The following WDR11 variants were observed in gnomAD, a reference collection of about 807,000 sequenced individuals.
WDR11 encodes the protein WD repeat domain 11, also known as WD repeat-containing protein 11.
In WDR11, 83 loss-of-function variants were observed where a neutral mutation model predicts 151.2. The ratio of observed to expected loss-of-function variants is 0.55; its 90% confidence interval spans 0.46 to 0.66. WDR11 has a LOEUF of 0.66. Among genes scored for constraint, WDR11 ranks in the 30% least tolerant of loss-of-function variants. WDR11 has a pLI of 0.00. For missense variants in WDR11, 1,301 were observed against 1,480.9 expected (o/e 0.88, Z 1.99); for synonymous variants, 484 against 533.1 (o/e 0.91, Z 1.27).
chr10:120,865,647 G>A lies in WDR11; in HGVS notation c.897G>A (p.Gln299=). 6.2e-7 allele frequency: 1 copy of A among 1,609,310 alleles called. No individual in the cohort carries two copies. Among genetic ancestry groups the A allele is most frequent in the East Asian group, 2.2e-5 (1 of 44,722 alleles). ...VPFLQVIPCF[Q]RDGLFCLHEN... ...ATTTAAAGGTAATACCCTGCTTTCA[G>A]CGTGATGGTTTATTTTGTCTACATG... Residue 299 remains glutamine, a synonymous_variant, in exon 7 of 29, where the codon CAG becomes CAA. Transcript: ENST00000263461.
intron 2 of WDR11, among the ~76,000 whole-genome samples, chr10:120,855,820 T>C (rs1055623227): frequency 1.3e-5 from 2 of 152,208 alleles, no homozygotes; most frequent in African/African-American, 4.8e-5. Flanking sequence ...CAGTTTAATG[T>C]TTTCATTGAT....
chr10:120,887,170 G>C (rs1847251600), intron 16 of WDR11, among the ~76,000 whole-genome samples: 1 of 152,052 alleles, frequency 6.6e-6, no homozygotes, highest in Non-Finnish European at 1.5e-5. Flanking sequence ...TTTAAACTCA[G>C]GCCTGTCTGA....
At chr10:120,893,555 G>A (rs10437505) in intron 19 of WDR11, among the ~76,000 whole-genome samples, 38,984 of 151,076 alleles carry the variant, frequency 0.26, 5,549 homozygotes, top group African/African-American at 0.38. Context: ...GGGTCAAATG[G>A]TATTTCTAGT....
chr10:120,854,772 T>C (rs1481360970), intron 2 of WDR11, among the ~76,000 whole-genome samples: 1 of 152,206 alleles, frequency 6.6e-6, no homozygotes, highest in Non-Finnish European at 1.5e-5. Context: ...TTCATGTGCT[T>C]ATTGGCCATT....
intron 11 of WDR11, among the ~76,000 whole-genome samples, chr10:120,876,804 G>C (rs908632130): frequency 5.3e-4 from 81 of 152,314 alleles, no homozygotes; most frequent in African/African-American, 1.9e-3. Flanking sequence ...TATGGGGCAG[G>C]TATTGTATTT....
At chr10:120,904,832 T>C (rs1847972127) in intron 25 of WDR11, 21 bp downstream of exon 25, 2 of 1,614,046 alleles carry the variant, frequency 1.2e-6, no homozygotes, top group East Asian at 2.2e-5. Flanking sequence ...CTTGATATGT[T>C]TGTCATCTCT....
chr10:120,863,920 T>G (rs1324062073), intron 5 of WDR11, among the ~76,000 whole-genome samples: 1 of 152,216 alleles, frequency 6.6e-6, no homozygotes, highest in Non-Finnish European at 1.5e-5. Flanking sequence ...CTTAAGTATC[T>G]TAAGAGAACT....
intron 2 of WDR11, among the ~76,000 whole-genome samples, chr10:120,856,850 G>A (rs571845406): frequency 6.6e-6 from 1 of 152,124 alleles, no homozygotes; most frequent in African/African-American, 2.4e-5. Context: ...GTTATTTGTG[G>A]TAGCTATATT....
intron 16 of WDR11, among the ~76,000 whole-genome samples, chr10:120,887,755 T>C (rs1465491063): frequency 6.6e-6 from 1 of 152,228 alleles, no homozygotes; most frequent in African/African-American, 2.4e-5. Context: ...ACATGACAAC[T>C]GGCCTCCCCT....
At chr10:120,889,394 C>T (rs758077805) in intron 17 of WDR11, 40 of 507,714 alleles carry the variant, frequency 7.9e-5, no homozygotes, top group Middle Eastern at 5.6e-4. Flanking sequence ...CCCACCACCA[C>T]GCCCGGCTAA....
Position 120,889,963 on chromosome 10 carries a change from T to C in WDR11, c.2297T>C (p.Leu766Ser), listed in dbSNP as rs754134724. ...RFAPGKGNQKLIAMYNDGAEV... is the reference protein window; with the variant it reads ...RFAPGKGNQKSIAMYNDGAEV... ...GCTCCTGGTAAAGGAAATCAAAAATTAATAGCAATGTACAATGATGGAGCT... is the reference window on the plus strand; with the variant it reads ...GCTCCTGGTAAAGGAAATCAAAAATCAATAGCAATGTACAATGATGGAGCT... Residue 766 changes from leucine to serine, a missense_variant, in exon 18 of 29, where the codon TTA becomes TCA. Around this residue, in one of 3 missense-constraint regions of WDR11, gnomAD observed 589 missense variants for 670.6 expected, o/e 0.88. Transcript: ENST00000263461. 6.2e-7 allele frequency: 1 copy of C among 1,614,080 alleles called. No individual in the cohort carries two copies. Among genetic ancestry groups the C allele is most frequent in the Non-Finnish European group, 8.5e-7 (1 of 1,179,956 alleles).
At chr10:120,905,561 A>G (rs1848006546) in intron 26 of WDR11, 145 bp downstream of exon 26, 3 of 894,756 alleles carry the variant, frequency 3.4e-6, no homozygotes, top group Non-Finnish European at 5.4e-6. Context: ...TCCTTTTCCT[A>G]TTCTTTATGA....
chr10:120,879,889 G>A (rs1846938104), intron 12 of WDR11: 1 of 152,150 alleles, frequency 6.6e-6, no homozygotes, highest in African/African-American at 2.4e-5. Context: ...AAACATACAA[G>A]GTAGAATTTA....
At chr10:120,882,744 A>G (rs1001749321) in intron 13 of WDR11, among the ~76,000 whole-genome samples, 4 of 151,884 alleles carry the variant, frequency 2.6e-5, no homozygotes, top group African/African-American at 9.7e-5. Context: ...AACCAATTTT[A>G]TTTATTGATC....
At chr10:120,857,493 C>T (rs1382108092) in intron 2 of WDR11, among the ~76,000 whole-genome samples, 1 of 152,002 alleles carries the variant, frequency 6.6e-6, no homozygotes, top group African/African-American at 2.4e-5. Context: ...TACCTATGAA[C>T]TTAAACATAT....
intron 25 of WDR11, 133 bp downstream of exon 25, chr10:120,904,944 A>G (rs1011404426): frequency 4.1e-5 from 42 of 1,023,014 alleles, no homozygotes; most frequent in South Asian, 4.0e-4. Flanking sequence ...ATTGCTACCT[A>G]TAAATCAGAT....
chr10:120,905,832 A>G lies in WDR11; in HGVS notation c.3292-44A>G, dbSNP rs773538024. ...AACTGAATTATTATTTTTTCTTTAT[A>G]GAGTGCAGGATGTTTTTGTTGTTAA... On this transcript the variant is annotated intron_variant, in intron 26 of 28. Coordinates refer to ENST00000263461, the MANE Select transcript of WDR11 (RefSeq NM_018117.12). 13 of 1,613,974 alleles carry G rather than the reference A, an allele frequency of 8.1e-6. No homozygotes were observed. The South Asian group carries it at 1.4e-4, about 18-fold the overall frequency.
intron 3 of WDR11, among the ~76,000 whole-genome samples, chr10:120,859,808 A>G (rs958675551): frequency 6.6e-6 from 1 of 152,076 alleles, no homozygotes; most frequent in Non-Finnish European, 1.5e-5. Context: ...TTTCATATTG[A>G]TTTTATAGTT....
intron 9 of WDR11, among the ~76,000 whole-genome samples, chr10:120,869,479 T>G (rs1220866298): frequency 6.6e-6 from 1 of 150,560 alleles, no homozygotes; most frequent in Non-Finnish European, 1.5e-5. Flanking sequence ...GTAGTTGATT[T>G]TAAAGTGTTA....
Sources: gnomAD v4.1 joint callset for allele counts (sites outside exome capture counted in the v4.1 genomes callset) on GRCh38, gnomAD v4.1.1 for gene constraint, gnomAD v4.1.1 regional missense constraint, MANE v1.5 for transcripts, NCBI Gene and HGNC (gene_info 2026-07-23, HGNC 2026-07-21) for gene names.